SH3D19: variants seen among roughly 807,000 people sequenced by gnomAD.
The protein encoded by SH3D19 is SH3 domain containing 19.
SH3D19 carries 58 observed loss-of-function variants against 112.1 expected under a neutral mutation model. The ratio of observed to expected loss-of-function variants is 0.52; its 90% CI spans 0.42 to 0.64. The LOEUF is 0.64. SH3D19 is among the 30% of genes least tolerant of loss of function. SH3D19 has a pLI of 0.00. For synonymous variants in SH3D19, 391 were observed against 448.5 expected, an observed-to-expected ratio of 0.87 and a Z score of 1.62; for missense variants, 1,090 against 1,263.4, an observed-to-expected ratio of 0.86 and a Z score of 2.08.
At chr4:151,273,300 T>C (rs1773350126) in intron 1 of SH3D19, among the ~76,000 whole-genome samples, 1 of 151,884 alleles carries the variant, frequency 6.6e-6, no homozygotes, top group Non-Finnish European at 1.5e-5. Context: ...GATGTATTAA[T>C]AAAAGTCCAG....
At chr4:151,160,681 TCTC>T (rs928531409) in intron 8 of SH3D19, among the ~76,000 whole-genome samples, 4 of 63,596 alleles carry the variant, frequency 6.3e-5, no homozygotes, top group African/African-American at 8.0e-5. Flanking sequence ...TCTCTTTCTC[TCTC>T]TTTTTTTTTT....
chr4:151,194,832 T>A (rs1366608094), intron 2 of SH3D19, among the ~76,000 whole-genome samples: 4 of 150,562 alleles, frequency 2.7e-5, no homozygotes, highest in Admixed American at 2.0e-4. Context: ...ACACCTTTAA[T>A]CCCAGCACTT....
intron 1 of SH3D19, among the ~76,000 whole-genome samples, chr4:151,294,950 A>G (rs958676976): frequency 3.9e-5 from 6 of 152,156 alleles, no homozygotes; most frequent in African/African-American, 1.4e-4. Flanking sequence ...AGCAAGGACT[A>G]AAAAAGGAGA....
At chr4:151,190,762 A>G (rs1762486156) in intron 2 of SH3D19, among the ~76,000 whole-genome samples, 1 of 152,198 alleles carries the variant, frequency 6.6e-6, no homozygotes, top group Non-Finnish European at 1.5e-5. Context: ...AACCTCTGAT[A>G]GGGCAGTGCA....
intron 1 of SH3D19, among the ~76,000 whole-genome samples, chr4:151,246,897 C>T (rs1473104964): frequency 6.6e-6 from 1 of 152,164 alleles, no homozygotes; most frequent in Non-Finnish European, 1.5e-5. Context: ...TTTTCGGCCC[C>T]ATAGAACCTG....
chr4:151,177,119 A>T (rs1760071266), intron 4 of SH3D19, among the ~76,000 whole-genome samples, 164 bp from the exon 5 acceptor site: 1 of 152,244 alleles, frequency 6.6e-6, no homozygotes, highest in Admixed American at 6.5e-5. Context: ...CTGACAGTAC[A>T]CCCAGACAGG....
chr4:151,168,897 G>A (rs1758562801), intron 7 of SH3D19, among the ~76,000 whole-genome samples: 1 of 151,700 alleles, frequency 6.6e-6, no homozygotes, highest in Non-Finnish European at 1.5e-5. Context: ...TTCTGGGCCA[G>A]TATAAGACCT....
chr4:151,268,837 T>C (rs1773018524), intron 1 of SH3D19, among the ~76,000 whole-genome samples: 1 of 151,188 alleles, frequency 6.6e-6, no homozygotes, highest in South Asian at 2.1e-4. Flanking sequence ...ATCCAGTCTA[T>C]CATTGTTGGA....
In SH3D19 at chr4:151,210,043, A is replaced by G. The variant is rs561755904; in HGVS notation, c.152+16004T>C. 2.3e-3 allele frequency among the ~76,000 whole-genome samples: 351 copies of G among 152,338 alleles called. 1 individual carries two copies. Among genetic ancestry groups the G allele is most frequent in the Non-Finnish European group, 3.3e-3 (225 of 68,036 alleles). ...ACCATTTTCTTCTGGTTCATCCATAAAAAACACAGGGAAAGGGAAGAATCT... is the reference window on the plus strand; with the variant it reads ...ACCATTTTCTTCTGGTTCATCCATAGAAAACACAGGGAAAGGGAAGAATCT... On this transcript the variant is annotated intron_variant, in intron 2 of 19. Coordinates refer to ENST00000604030, the MANE Select transcript of SH3D19 (RefSeq NM_001378122.1).
chr4:151,320,062 T>C (rs1730385562), intron 1 of SH3D19, among the ~76,000 whole-genome samples: 3 of 152,210 alleles, frequency 2.0e-5, no homozygotes, highest in Admixed American at 2.0e-4. Flanking sequence ...ACCTCACAGG[T>C]GATAACATAA....
rs1580268987 is a variant in SH3D19, at chr4:151,226,223, C to T, written c.113-137G>A. 6 of 1,225,942 alleles carry T rather than the reference C, an allele frequency of 4.9e-6. 1 individual carries two copies. In the Admixed American group the frequency reaches 2.5e-4, roughly 52 times the overall value. 75.9% of individuals were successfully genotyped at this position (1,225,942 alleles called of 1,614,324 possible). A position where few individuals can be genotyped will look rare whatever the true frequency, so the allele number is the denominator to read the frequency against. On this transcript the variant is annotated intron_variant, in intron 1 of 19. Transcript: ENST00000604030. ...TAGTTGTGTCTTCCTAAGTATAAGG[C>T]TCTTCATCACAGTTCGCCTGACAGA...
intron 1 of SH3D19, among the ~76,000 whole-genome samples, chr4:151,269,308 A>G (rs1409477951): frequency 1.3e-5 from 2 of 151,838 alleles, no homozygotes; most frequent in Non-Finnish European, 2.9e-5. Context: ...TTTCTTGTAA[A>G]TTTGTTTGAG....
intron 9 of SH3D19, among the ~76,000 whole-genome samples, chr4:151,154,735 C>T (rs1755756049): frequency 6.6e-6 from 1 of 152,114 alleles, no homozygotes; most frequent in Non-Finnish European, 1.5e-5. Flanking sequence ...TGCCACCACA[C>T]CTGGCTCATT....
intron 9 of SH3D19, among the ~76,000 whole-genome samples, chr4:151,149,900 T>C (rs1291941445): frequency 6.6e-6 from 1 of 151,784 alleles, no homozygotes; most frequent in Non-Finnish European, 1.5e-5. Context: ...AAATGTATGC[T>C]CTTGGCCGGG....
chr4:151,236,655 G>T (rs1476079750), intron 1 of SH3D19, among the ~76,000 whole-genome samples: 2 of 152,072 alleles, frequency 1.3e-5, no homozygotes, highest in Non-Finnish European at 2.9e-5. Flanking sequence ...TCTAGCTAAA[G>T]GATTGTAAAT....
At chr4:151,135,740 A>G (rs896207809) in intron 14 of SH3D19, among the ~76,000 whole-genome samples, 2 of 152,106 alleles carry the variant, frequency 1.3e-5, no homozygotes, top group East Asian at 1.9e-4. Context: ...GCTCTATACC[A>G]TATTTTCCAG....
intron 1 of SH3D19, among the ~76,000 whole-genome samples, chr4:151,285,934 C>T (rs1774711583): frequency 6.6e-6 from 1 of 151,232 alleles, no homozygotes; most frequent in African/African-American, 2.4e-5. Flanking sequence ...ATGGCACATA[C>T]CTGTAATCGC....
chr4:151,173,417 T>C (rs551800677), intron 7 of SH3D19, among the ~76,000 whole-genome samples: 72 of 152,340 alleles, frequency 4.7e-4, no homozygotes, highest in Non-Finnish European at 9.0e-4. Context: ...ACTTGAACAA[T>C]TGTTTTATGA....
intron 1 of SH3D19, among the ~76,000 whole-genome samples, chr4:151,250,262 T>C (rs1353754268): frequency 6.6e-6 from 1 of 152,226 alleles, no homozygotes; most frequent in Non-Finnish European, 1.5e-5. Context: ...ATGATTTTAA[T>C]GTTAGGTTAC....
Sources: allele counts gnomAD v4.1 joint callset (sites outside exome capture counted in the v4.1 genomes callset), GRCh38; gene constraint gnomAD v4.1.1; transcripts MANE v1.5; gene names NCBI Gene and HGNC (gene_info 2026-07-23, HGNC 2026-07-21).